DNAJA1: variants seen among roughly 807,000 people sequenced by gnomAD.
The protein encoded by DNAJA1 is dnaJ homolog subfamily A member 1.
Under a neutral mutation model 47.6 loss-of-function variants are expected in DNAJA1, and 26 were observed. The observed-to-expected ratio is 0.55, with a 90% CI of 0.40 to 0.76. The LOEUF (loss-of-function observed/expected upper bound fraction) is 0.76, where lower values mean the gene tolerates loss of function less well. DNAJA1 is among the 30% of genes least tolerant of loss of function. The probability of loss-of-function intolerance (pLI) is 0.00; values close to 1 mark genes in which losing one functional copy is unlikely to be tolerated. For synonymous variants in DNAJA1, 165 were observed against 158.4 expected (o/e 1.04, Z -0.31); for missense variants, 315 against 485.0 (o/e 0.65, Z 3.29).
At chr9:33,033,259 A>G (rs1838987882) in intron 5 of DNAJA1, among the ~76,000 whole-genome samples, 1 of 151,356 alleles carries the variant, frequency 6.6e-6, no homozygotes, top group Admixed American at 6.6e-5. Context: ...AGTGTCTAGC[A>G]CTGATTGTTT....
intron 6 of DNAJA1, among the ~76,000 whole-genome samples, chr9:33,035,296 A>G (rs1406285638): frequency 6.6e-6 from 1 of 151,974 alleles, no homozygotes; most frequent in Non-Finnish European, 1.5e-5. Context: ...CAGGAGGCAG[A>G]GGTCGCGGTG....
At chr9:33,035,478 A>T (rs77894217) in intron 6 of DNAJA1, among the ~76,000 whole-genome samples, 10,592 of 151,822 alleles carry the variant, frequency 0.07, 505 homozygotes, top group Non-Finnish European at 0.11. Context: ...TTATTTATTT[A>T]TTTTTTTTGA....
At chr9:33,026,035 C>T (rs1328965635) in intron 1 of DNAJA1, among the ~76,000 whole-genome samples, 2 of 152,126 alleles carry the variant, frequency 1.3e-5, no homozygotes. Flanking sequence ...TAAACCACTC[C>T]CCCCCACCAC....
intron 5 of DNAJA1, among the ~76,000 whole-genome samples, chr9:33,033,686 T>G (rs1838994962): frequency 6.6e-6 from 1 of 152,206 alleles, no homozygotes; most frequent in Non-Finnish European, 1.5e-5. Context: ...CAAGATCCTA[T>G]CTCAAGAGAA....
chr9:33,038,637 G>C, intron 8 of DNAJA1, 48 bp from the exon 9 acceptor site: 1 of 1,557,090 alleles, frequency 6.4e-7, no homozygotes, highest in Non-Finnish European at 8.8e-7. Flanking sequence ...GATACTCTAA[G>C]GGAGCTAATG....
intron 1 of DNAJA1, among the ~76,000 whole-genome samples, chr9:33,025,699 G>T (rs976771778): frequency 7.1e-4 from 30 of 42,302 alleles, no homozygotes; most frequent in African/African-American, 1.4e-3. Flanking sequence ...CGCTCGGGGT[G>T]GGGGGGGGGA....
intron 5 of DNAJA1, among the ~76,000 whole-genome samples, chr9:33,032,337 C>A (rs985781310): frequency 9.9e-5 from 15 of 152,184 alleles, no homozygotes; most frequent in African/African-American, 3.6e-4. Context: ...TGGGCCCATG[C>A]CTAAGGTTTA....
rs183411435 is a variant in DNAJA1, at chr9:33,031,846, C to G, written c.643+1179C>G. The stretch of plus-strand genomic sequence containing the variant: ...CTACCTTTCATTTTTTTAGACTTGA[C>G]ACTTCCCTAACCCATTGGGCTCCAG... On this transcript the variant is annotated intron_variant, in intron 5 of 8. Coordinates refer to ENST00000330899, the MANE Select transcript of DNAJA1 (RefSeq NM_001539.4). Among the ~76,000 whole-genome samples, 3 of 152,280 alleles carry G rather than the reference C, an allele frequency of 2.0e-5. No individual in the cohort carries two copies. In the East Asian group the frequency reaches 5.8e-4, roughly 29 times the overall value.
rs1397583636 is a variant in DNAJA1 at position 33,039,882 on chromosome 9, AT to A, written c.*980del. 2.6e-5 allele frequency: 4 copies of A among 152,128 alleles called. No individual in the cohort carries two copies. The highest frequency in any genetic ancestry group is 5.9e-5 in the Non-Finnish European group (4 of 68,032). 9.4% of individuals were successfully genotyped at this position (152,128 alleles called of 1,614,324 possible). ...ATTCTTGAAATGTATTGTCTCCTTAATATACTAATTACAAAGCATCTCCAAT... is the reference window on the plus strand; with the variant it reads ...ATTCTTGAAATGTATTGTCTCCTTAAATACTAATTACAAAGCATCTCCAAT... On this transcript the variant is annotated 3_prime_UTR_variant, in exon 9 of 9. Transcript: ENST00000330899.
chr9:33,030,310 T>C (rs944403527), intron 4 of DNAJA1, 130 bp from the exon 5 acceptor site: 4 of 824,596 alleles, frequency 4.9e-6, no homozygotes, highest in Middle Eastern at 3.7e-4. Context: ...CAGTTGTACA[T>C]TCAGAGGGTA....
At chr9:33,031,420 G>A (rs1838959665) in intron 5 of DNAJA1, among the ~76,000 whole-genome samples, 1 of 151,944 alleles carries the variant, frequency 6.6e-6, no homozygotes, top group African/African-American at 2.4e-5. Context: ...TTAAACCAAT[G>A]GGCATGTTTT....
intron 3 of DNAJA1, among the ~76,000 whole-genome samples, chr9:33,027,713 G>C (rs1221311152): frequency 6.6e-6 from 1 of 152,030 alleles, no homozygotes; most frequent in Admixed American, 6.6e-5. Context: ...AGCTGGGCGT[G>C]GTGGTGGGCA....
intron 3 of DNAJA1, among the ~76,000 whole-genome samples, chr9:33,028,572 AAAAG>A (rs1385112728): frequency 6.6e-6 from 1 of 152,234 alleles, no homozygotes; most frequent in Non-Finnish European, 1.5e-5. Context: ...AAACTCCTTA[AAAAG>A]AAAGTCCACA....
At position 33,039,468 on chromosome 9, in the gene DNAJA1, T is replaced by C. The variant is rs1193776149; in HGVS notation, c.*565T>C. On this transcript the variant is annotated 3_prime_UTR_variant, in exon 9 of 9. Transcript: ENST00000330899. ...AAATGATACCTTTCTGTAGGAGGGG[T>C]TTATCATAATATGCTGCTTCTTGAA... 3 of 150,354 alleles carry C rather than the reference T, an allele frequency of 2.0e-5. No individual in the cohort carries two copies. The Admixed American group carries it at 2.0e-4, about 10-fold the overall frequency. 9.3% of individuals were successfully genotyped at this position (150,354 alleles called of 1,614,324 possible).
intron 3 of DNAJA1, among the ~76,000 whole-genome samples, chr9:33,029,320 C>A (rs532785718): frequency 4.3e-4 from 65 of 152,306 alleles, no homozygotes; most frequent in Admixed American, 2.5e-3. Flanking sequence ...GCCTTCAAAA[C>A]AACCAGTGCT....
At chr9:33,028,025 C>CAAAA (rs144327341) in intron 3 of DNAJA1, among the ~76,000 whole-genome samples, 9 of 77,920 alleles carry the variant, frequency 1.2e-4, no homozygotes, top group Non-Finnish European at 1.7e-4. Context: ...ACTCTTGTCT[C>CAAAA]AAAAAAAAAA....
chr9:33,032,089 C>T (rs1301486819), intron 5 of DNAJA1, among the ~76,000 whole-genome samples: 1 of 152,160 alleles, frequency 6.6e-6, no homozygotes, highest in African/African-American at 2.4e-5. Flanking sequence ...AATGGGTCTA[C>T]TATTATACTG....
intron 5 of DNAJA1, among the ~76,000 whole-genome samples, chr9:33,032,783 C>T (rs1177458465): frequency 2.6e-5 from 4 of 151,992 alleles, no homozygotes; most frequent in South Asian, 4.1e-4. Flanking sequence ...TTAAGAGGTA[C>T]GTACTGAAGT....
rs1483825432 is a variant in DNAJA1, at chr9:33,025,700, G to GGGGGGGGGAGT, written c.-11+322_-11+332dup. 3.9e-4 allele frequency among the ~76,000 whole-genome samples: 17 copies of GGGGGGGGGAGT among 44,030 alleles called. No individual in the cohort carries two copies. The East Asian group carries it at 4.8e-3, about 12-fold the overall frequency. The allele number at this position is 44,030 out of a possible 152,430, so 28.9% of individuals were successfully genotyped here. The stretch of plus-strand genomic sequence containing the variant: ...TCCCCGTCCGTGCTCGCTCGGGGTG[G>GGGGGGGGGAGT]GGGGGGGGAGTGGGGTTGGCGACCC... On this transcript the variant is annotated intron_variant, in intron 1 of 8. Transcript: ENST00000330899.
Sources: gnomAD v4.1 joint callset for allele counts (sites outside exome capture counted in the v4.1 genomes callset) on GRCh38, gnomAD v4.1.1 for gene constraint, MANE v1.5 for transcripts, NCBI Gene and HGNC (gene_info 2026-07-23, HGNC 2026-07-21) for gene names.